Variants in IRAG2 observed in about 807,000 individuals in gnomAD.
IRAG2 encodes the protein lymphoid restricted membrane protein.
Under a neutral mutation model 69.9 loss-of-function variants are expected in IRAG2, and 45 were observed. The ratio of observed to expected loss-of-function variants is 0.64; its 90% CI spans 0.51 to 0.83. The LOEUF (loss-of-function observed/expected upper bound fraction) is 0.83, where lower values mean the gene tolerates loss of function less well. Among genes scored for constraint, IRAG2 ranks in the 40% least tolerant of loss-of-function variants. The pLI is 0.00. For missense variants in IRAG2, 520 were observed against 587.0 expected (o/e 0.89, Z 1.18); for synonymous variants, 193 against 202.4 (o/e 0.95, Z 0.40).
intron 1 of IRAG2, among the ~76,000 whole-genome samples, chr12:25,054,253 G>A (rs1015855846): frequency 1.3e-5 from 2 of 152,252 alleles, no homozygotes; most frequent in South Asian, 2.1e-4. Context: ...TGCTCAGAGG[G>A]CATTGGAGAA....
chr12:25,072,248 C>T (rs1319090518), intron 6 of IRAG2, among the ~76,000 whole-genome samples: 1 of 152,036 alleles, frequency 6.6e-6, no homozygotes, highest in Non-Finnish European at 1.5e-5. Context: ...GAAATAGGTG[C>T]TAACAGACAT....
chr12:25,046,419 C>T (rs1216593191), intron 16 of IRAG2, among the ~76,000 whole-genome samples: 1 of 151,910 alleles, frequency 6.6e-6, no homozygotes, highest in South Asian at 2.1e-4. Flanking sequence ...ATGATCTCTG[C>T]AGATAACATG....
upstream of IRAG2, among the ~76,000 whole-genome samples, chr12:25,000,249 C>T (rs945704906): frequency 1.3e-5 from 2 of 152,166 alleles, no homozygotes; most frequent in South Asian, 4.1e-4. Context: ...AGTTTGTGAC[C>T]AGCCTGGGCA....
chr12:25,088,037 G>A, intron 10 of IRAG2, 63 bp from the exon 11 acceptor site: 1 of 1,231,270 alleles, frequency 8.1e-7, no homozygotes, highest in Non-Finnish European at 1.2e-6. Flanking sequence ...ACAGGAAGTA[G>A]GAAAATGACT....
intron 1 of IRAG2, among the ~76,000 whole-genome samples, chr12:25,053,929 A>C (rs1047384880): frequency 2.0e-5 from 3 of 152,202 alleles, no homozygotes; most frequent in East Asian, 1.9e-4. Context: ...GAAATAGTCT[A>C]GTTTTAAAAT....
At chr12:25,001,288 T>TA (rs917918314), upstream of IRAG2, among the ~76,000 whole-genome samples, 213 of 150,360 alleles carry the variant, frequency 1.4e-3, 2 homozygotes, top group African/African-American at 4.6e-3. Context: ...CAAAAAAAAT[T>TA]AAAAAAAAAT....
chr12:25,057,799 C>A (rs1261174263), intron 1 of IRAG2, among the ~76,000 whole-genome samples: 1 of 152,118 alleles, frequency 6.6e-6, no homozygotes, highest in Non-Finnish European at 1.5e-5. Context: ...CCTCTAGCAC[C>A]CTAAGGAACA....
intron 15 of IRAG2, among the ~76,000 whole-genome samples, chr12:25,099,456 C>G (rs1423441699): frequency 6.6e-6 from 1 of 152,158 alleles, no homozygotes; most frequent in Non-Finnish European, 1.5e-5. Flanking sequence ...ATTCAGAATT[C>G]AACCATTTAT....
chr12:25,074,738 TG>T (rs1251264180), intron 6 of IRAG2, among the ~76,000 whole-genome samples: 2 of 152,250 alleles, frequency 1.3e-5, no homozygotes, highest in Non-Finnish European at 2.9e-5. Flanking sequence ...TGAATTTCTC[TG>T]TTTTTCTTTT....
At chr12:25,064,240 C>T (rs1409952755) in intron 4 of IRAG2, among the ~76,000 whole-genome samples, 1 of 152,030 alleles carries the variant, frequency 6.6e-6, no homozygotes, top group Non-Finnish European at 1.5e-5. Flanking sequence ...GTTGAACTGG[C>T]CTTGAAAGAT....
intron 2 of IRAG2, among the ~76,000 whole-genome samples, chr12:25,010,474 AAC>A (rs1199845392): frequency 1.1e-5 from 1 of 89,582 alleles, no homozygotes; most frequent in Admixed American, 1.4e-4. Flanking sequence ...TCAAAAAACA[AAC>A]AAAAAAAAAA....
intron 9 of IRAG2, among the ~76,000 whole-genome samples, chr12:25,081,840 A>T (rs1947236070): frequency 6.6e-6 from 1 of 152,182 alleles, no homozygotes; most frequent in African/African-American, 2.4e-5. Flanking sequence ...GGGGGAAAAA[A>T]GTACAGAATG....
At position 25,108,208 on chromosome 12, in the gene IRAG2, T is replaced by A; in HGVS notation, c.*148T>A. ...ATAGCTTACATTTCCTCTTTTTGCC[T>A]TTATCTCCCCAACTAAAATACAATG... On this transcript the variant is annotated 3_prime_UTR_variant, in exon 22 of 22. Coordinates refer to ENST00000556887, the MANE Select transcript of IRAG2 (RefSeq NM_001366544.2). The A allele has an allele frequency of 2.4e-6, 2 of 844,244 alleles. No homozygotes were observed. The highest frequency in any genetic ancestry group is 3.9e-5 in the South Asian group (2 of 50,790). 52.3% of individuals were successfully genotyped at this position (844,244 alleles called of 1,614,324 possible).
In IRAG2 at chr12:25,096,912, T is replaced by C. The variant is rs1948453327; in HGVS notation, c.609T>C (p.Ser203=). The C allele has an allele frequency of 6.2e-7, 1 of 1,612,028 alleles. No homozygotes were observed. The highest frequency in any genetic ancestry group is 8.5e-7 in the Non-Finnish European group (1 of 1,179,278). ...TTAATATGCTGTTTTCTATACAGTC[T>C]TTAACACCTCTGTGTGAAGATGACA... ...EITNCLKLLE[S]LTPLCEDDNQ... The change falls in exon 15 of 22, where the codon TCT becomes TCC. Residue 203 remains serine, a splice_region_variant and synonymous_variant. Coordinates refer to ENST00000556887, the MANE Select transcript of IRAG2 (RefSeq NM_001366544.2).
At chr12:25,044,493 T>G (rs1033157747) in intron 16 of IRAG2, among the ~76,000 whole-genome samples, 1 of 152,062 alleles carries the variant, frequency 6.6e-6, no homozygotes, top group Non-Finnish European at 1.5e-5. Flanking sequence ...ATATTAAATT[T>G]TAAAAAGCCC....
chr12:25,015,116 A>AAAT, intron 3 of IRAG2: 1 of 412,004 alleles, frequency 2.4e-6, no homozygotes, highest in Non-Finnish European at 3.4e-6. Context: ...AAAAAAAGAC[A>AAAT]AAACTTGGTC....
At chr12:25,035,602 G>A (rs1227636899) in intron 13 of IRAG2, 1 of 398,632 alleles carries the variant, frequency 2.5e-6, no homozygotes, top group Non-Finnish European at 4.4e-6. Context: ...TGAAAGTAAT[G>A]AATGTTCTTT....
At chr12:25,096,527 G>A (rs1000067516) in intron 14 of IRAG2, among the ~76,000 whole-genome samples, 2 of 152,100 alleles carry the variant, frequency 1.3e-5, no homozygotes, top group African/African-American at 4.8e-5. Flanking sequence ...CAATATGTTT[G>A]GTTACGTTTC....
At chr12:25,027,689 C>T (rs575012576) in intron 9 of IRAG2, among the ~76,000 whole-genome samples, 2 of 152,184 alleles carry the variant, frequency 1.3e-5, no homozygotes, top group South Asian at 2.1e-4. Context: ...CCACTGCACC[C>T]GGCTGTACTA....
Sources: gnomAD v4.1 joint callset for allele counts (sites outside exome capture counted in the v4.1 genomes callset) on GRCh38, gnomAD v4.1.1 for gene constraint, MANE v1.5 for transcripts, NCBI Gene and HGNC (gene_info 2026-07-23, HGNC 2026-07-21) for gene names.